Variants in THSD4 observed in about 807,000 individuals in gnomAD.
The protein encoded by THSD4 is thrombospondin type 1 domain containing 4, also known as thrombospondin type-1 domain-containing protein 4.
In THSD4, 69 loss-of-function variants were observed where a neutral mutation model predicts 119.0. The observed-to-expected ratio is 0.58, with a 90% CI of 0.48 to 0.71. THSD4 has a LOEUF of 0.71. THSD4 is among the 30% of genes least tolerant of loss of function. The probability of loss-of-function intolerance (pLI) is 0.00; values close to 1 mark genes in which losing one functional copy is unlikely to be tolerated. For missense variants in THSD4, 1,393 were observed against 1,391.1 expected (o/e 1.00, Z -0.02); for synonymous variants, 524 against 540.4 (o/e 0.97, Z 0.42).
chr15:71,440,505 A>G (rs2047074945), intron 7 of THSD4, among the ~76,000 whole-genome samples: 1 of 152,198 alleles, frequency 6.6e-6, no homozygotes, highest in Non-Finnish European at 1.5e-5. Flanking sequence ...TTTTGGATAG[A>G]TATATAATCC....
At chr15:71,608,243 T>TACAC (rs1358546603) in intron 7 of THSD4, among the ~76,000 whole-genome samples, 2,608 of 82,624 alleles carry the variant, frequency 0.032, 102 homozygotes, top group African/African-American at 0.091. Flanking sequence ...AAAAAATATA[T>TACAC]ATATATACAC....
At chr15:71,345,813 A>G (rs1028289241) in intron 6 of THSD4, among the ~76,000 whole-genome samples, 3 of 148,224 alleles carry the variant, frequency 2.0e-5, no homozygotes, top group Non-Finnish European at 4.5e-5. Context: ...TTTTTTAATT[A>G]TTTTACTTTG....
intron 7 of THSD4, among the ~76,000 whole-genome samples, chr15:71,459,615 T>C (rs1443787781): frequency 6.6e-6 from 1 of 152,206 alleles, no homozygotes; most frequent in Admixed American, 6.5e-5. Context: ...TACTTTTTAA[T>C]TTGAAAAATA....
intron 6 of THSD4, among the ~76,000 whole-genome samples, chr15:71,339,679 T>C (rs2045538267): frequency 6.6e-6 from 1 of 152,068 alleles, no homozygotes; most frequent in African/African-American, 2.4e-5. Flanking sequence ...ATCTCTAAAA[T>C]TGGAATAATA....
intron 3 of THSD4, among the ~76,000 whole-genome samples, chr15:71,206,928 GTA>G (rs2043848675): frequency 6.6e-6 from 1 of 152,134 alleles, no homozygotes; most frequent in African/African-American, 2.4e-5. Context: ...GTAACAGATC[GTA>G]TGTTTTCATT....
Position 71,326,673 on chromosome 15 carries a change from CAAAAAAAAAAA to C in THSD4, c.1015+69976_1015+69986del, listed in dbSNP as rs375081607. Among the ~76,000 whole-genome samples the C allele has an allele frequency of 9.3e-4, 12 of 12,930 alleles. 1 individual carries two copies. The South Asian group carries it at 0.023, about 24-fold the overall frequency. The allele number at this position is 12,930 out of a possible 152,430, so 8.5% of individuals were successfully genotyped here. ...TGGGCAACAGAGCAAGATTCCATCT[CAAAAAAAAAAA>C]AAAAAAAAAAAAAAAAATATATATA... On this transcript the variant is annotated intron_variant, in intron 6 of 17. Coordinates refer to ENST00000261862, the MANE Select transcript of THSD4 (RefSeq NM_024817.3).
rs76029031 is a variant in THSD4 at position 71,565,926 on chromosome 15, C to T, written c.1153-94604C>T. On this transcript the variant is annotated intron_variant, in intron 7 of 17. Coordinates refer to ENST00000261862, the MANE Select transcript of THSD4 (RefSeq NM_024817.3). ...GATGATGGCAGACAGAAGTAAGTCT[C>T]TATGACCTCATGAAGGACTTGTTTC... 3.2e-3 allele frequency among the ~76,000 whole-genome samples: 486 copies of T among 152,248 alleles called. 6 individuals are homozygous for T. The highest frequency in any genetic ancestry group is 0.011 in the African/African-American group (461 of 41,546).
Position 71,256,642 on chromosome 15 carries a change from G to C in THSD4, c.942G>C (p.Arg314=). Residue 314 remains arginine, a synonymous_variant, in exon 6 of 18, where the codon CGG becomes CGC. Coordinates refer to ENST00000261862, the MANE Select transcript of THSD4 (RefSeq NM_024817.3). Reference sequence around the variant, plus strand: ...GTCCAGAAAGCAGTAGAAGTATCCGGGAGGTACAGTGTGCATCCTACAACA... The same window carrying C: ...GTCCAGAAAGCAGTAGAAGTATCCGCGAGGTACAGTGTGCATCCTACAACA... ...NVCPESSRSI[R]EVQCASYNNK... is the part of the protein sequence containing the mutation. 6.2e-7 allele frequency: 1 copy of C among 1,614,020 alleles called. No homozygotes were observed. The highest frequency in any genetic ancestry group is 8.5e-7 in the Non-Finnish European group (1 of 1,179,958).
At chr15:71,547,121 C>T in intron 7 of THSD4, 1 of 950,532 alleles carries the variant, frequency 1.1e-6, no homozygotes, top group Non-Finnish European at 1.4e-6. Context: ...TCATTTCTGT[C>T]CCTCCCCTTT....
chr15:71,721,213 C>T (rs2052715469), intron 8 of THSD4, among the ~76,000 whole-genome samples: 1 of 150,380 alleles, frequency 6.6e-6, no homozygotes, highest in South Asian at 2.1e-4. Context: ...TTAAAAAATA[C>T]AAAAAAAGAC....
At position 71,097,297 on chromosome 15, in the gene THSD4, G is replaced by A. The variant is rs1010948944; in HGVS notation, c.-80+291G>A. Among the ~76,000 whole-genome samples the A allele has an allele frequency of 5.9e-5, 9 of 152,278 alleles. No individual in the cohort carries two copies. The East Asian group carries it at 1.7e-3, about 29-fold the overall frequency. On this transcript the variant is annotated intron_variant, in intron 1 of 17. Transcript: ENST00000355327. ...TTGAGGTGAAAGGCTGGGCACGGTG[G>A]TTGACGCCTGTAATACCAGCACTTT...
intron 6 of THSD4, among the ~76,000 whole-genome samples, chr15:71,383,426 T>G (rs1405414380): frequency 2.0e-5 from 3 of 152,156 alleles, no homozygotes; most frequent in African/African-American, 7.2e-5. Context: ...TTTGCCCAAA[T>G]CAAGAAAGAA....
chr15:71,236,441 G>A (rs989794537), intron 4 of THSD4, among the ~76,000 whole-genome samples: 6 of 152,206 alleles, frequency 3.9e-5, no homozygotes, highest in Non-Finnish European at 8.8e-5. Context: ...CTCTTCTCTA[G>A]GTGTTTGATA....
At chr15:71,710,836 G>A (rs1426215982) in intron 8 of THSD4, among the ~76,000 whole-genome samples, 1 of 152,086 alleles carries the variant, frequency 6.6e-6, no homozygotes, top group Non-Finnish European at 1.5e-5. Context: ...ACTTACAAAT[G>A]AGGAACAAAA....
chr15:71,234,930 C>G (rs2044091735), intron 4 of THSD4, among the ~76,000 whole-genome samples: 1 of 152,210 alleles, frequency 6.6e-6, no homozygotes, highest in African/African-American at 2.4e-5. Flanking sequence ...CACTGAGGAT[C>G]CCCACACTCA....
intron 4 of THSD4, among the ~76,000 whole-genome samples, chr15:71,222,106 G>A (rs1201639865): frequency 6.6e-6 from 1 of 152,092 alleles, no homozygotes; most frequent in Admixed American, 6.5e-5. Context: ...AACTCTGAAA[G>A]CAGGGTGGAT....
upstream of THSD4, chr15:71,111,530 C>T (rs1376294075): frequency 5.0e-6 from 4 of 792,564 alleles, no homozygotes; most frequent in African/African-American, 7.0e-5. Context: ...TTGACCAACT[C>T]TCAAAGTGTT....
chr15:71,629,297 A>C (rs1035964229), intron 7 of THSD4, among the ~76,000 whole-genome samples: 3 of 152,150 alleles, frequency 2.0e-5, no homozygotes, highest in African/African-American at 7.2e-5. Context: ...GCCTTATCTC[A>C]ATGTGGATTG....
At chr15:71,315,559 C>T (rs2045176173) in intron 6 of THSD4, among the ~76,000 whole-genome samples, 1 of 152,218 alleles carries the variant, frequency 6.6e-6, no homozygotes, top group South Asian at 2.1e-4. Flanking sequence ...CAGCTGTGTC[C>T]TCTGTGGTCA....
Sources: gnomAD v4.1 joint callset for allele counts (sites outside exome capture counted in the v4.1 genomes callset) on GRCh38, gnomAD v4.1.1 for gene constraint, MANE v1.5 for transcripts, NCBI Gene and HGNC (gene_info 2026-07-23, HGNC 2026-07-21) for gene names.